The following UCK2 variants were observed in gnomAD, a reference collection of about 807,000 sequenced individuals.
UCK2 encodes cytidine monophosphokinase 2.
UCK2 carries 6 observed loss-of-function variants against 30.8 expected under a neutral mutation model. That is an observed-to-expected ratio of 0.19 (90% CI 0.11 to 0.38). The LOEUF is 0.38. UCK2 is among the 10% of genes least tolerant of loss of function. The pLI is 1.00. For synonymous variants in UCK2, 125 were observed against 133.6 expected (o/e 0.94, Z 0.45); for missense variants, 210 against 339.8 (o/e 0.62, Z 3.00).
intron 1 of UCK2, among the ~76,000 whole-genome samples, chr1:165,872,198 C>T (rs539612634): frequency 1.1e-4 from 16 of 152,248 alleles, no homozygotes; most frequent in South Asian, 6.2e-4. Context: ...CCTCAGCCTC[C>T]GAAGTAGCTG....
chr1:165,902,577 A>C (rs1286155516), intron 4 of UCK2: 1 of 106,892 alleles, frequency 9.4e-6, no homozygotes. Context: ...TGGTTTTCTT[A>C]TCTTTCACTG....
At chr1:165,896,381 C>A in intron 4 of UCK2, 49 bp downstream of exon 4, 1 of 1,606,316 alleles carries the variant, frequency 6.2e-7, no homozygotes, top group South Asian at 1.1e-5. Flanking sequence ...ACCTTGAGGG[C>A]GGGGGAGCTG....
At chr1:165,892,671 G>A (rs1655801533) in intron 3 of UCK2, 1 of 152,216 alleles carries the variant, frequency 6.6e-6, no homozygotes, top group Non-Finnish European at 1.5e-5. Flanking sequence ...AGACATTCCA[G>A]CCCACCACTT....
chr1:165,906,149 G>A (rs1274422881), intron 6 of UCK2, among the ~76,000 whole-genome samples, 180 bp downstream of exon 6: 1 of 152,204 alleles, frequency 6.6e-6, no homozygotes, highest in African/African-American at 2.4e-5. Context: ...GTCCCTGGGT[G>A]TAGGCACCCA....
chr1:165,842,127 CTT>C (rs976720038), intron 1 of UCK2, among the ~76,000 whole-genome samples: 6 of 152,144 alleles, frequency 3.9e-5, no homozygotes, highest in African/African-American at 1.4e-4. Context: ...CTCTGGGAAA[CTT>C]TTCTTGGTTT....
chr1:165,898,504 G>A (rs372004235), intron 4 of UCK2, among the ~76,000 whole-genome samples: 3 of 152,116 alleles, frequency 2.0e-5, no homozygotes, highest in Admixed American at 1.3e-4. Context: ...GATCTGCTCC[G>A]GTCATGTCCT....
intron 1 of UCK2, among the ~76,000 whole-genome samples, chr1:165,881,933 A>G (rs1655510088): frequency 6.6e-6 from 1 of 152,256 alleles, no homozygotes; most frequent in Admixed American, 6.5e-5. Context: ...TCTCAGACGC[A>G]GTCTAACATC....
At position 165,908,515 on chromosome 1, in the gene UCK2, T is replaced by G. The variant is rs946325259; in HGVS notation, c.*692T>G. ...GAAGAGGCCCACTGAGGAGAACAAG[T>G]CTTCTGCATTTTCTTCCTGCCCTGC... On this transcript the variant is annotated 3_prime_UTR_variant, in exon 7 of 7. Transcript: ENST00000367879. 2.7e-5 allele frequency: 4 copies of G among 149,614 alleles called. No individual in the cohort carries two copies. Among genetic ancestry groups the G allele is most frequent in the Non-Finnish European group, 5.9e-5 (4 of 67,698 alleles). 9.3% of individuals were successfully genotyped at this position (149,614 alleles called of 1,614,324 possible). A position where few individuals can be genotyped will look rare whatever the true frequency, so the allele number is the denominator to read the frequency against.
chr1:165,869,141 G>A (rs1213416847), intron 1 of UCK2, among the ~76,000 whole-genome samples: 1 of 152,130 alleles, frequency 6.6e-6, no homozygotes, highest in African/African-American at 2.4e-5. Flanking sequence ...ATATGGGCGT[G>A]GTTGGTGGCA....
At chr1:165,894,434 A>G (rs1030652646) in intron 3 of UCK2, 3 of 151,862 alleles carry the variant, frequency 2.0e-5, no homozygotes, top group Non-Finnish European at 2.9e-5. Flanking sequence ...TGGGCACACC[A>G]TTTTCTGGCA....
At chr1:165,898,866 C>G (rs1647360744) in intron 4 of UCK2, among the ~76,000 whole-genome samples, 1 of 152,228 alleles carries the variant, frequency 6.6e-6, no homozygotes, top group South Asian at 2.1e-4. Context: ...GGGCAGGGCT[C>G]TGCTTTCTCA....
At chr1:165,905,898 A>G (rs756707282) in intron 5 of UCK2, 23 bp from the exon 6 acceptor site, 20 of 1,612,368 alleles carry the variant, frequency 1.2e-5, no homozygotes, top group Non-Finnish European at 1.5e-5. Context: ...GTATTAATGC[A>G]TATTAACTGT....
chr1:165,896,140 C>G (rs1324245197), intron 3 of UCK2, 50 bp from the exon 4 acceptor site: 1 of 1,610,062 alleles, frequency 6.2e-7, no homozygotes, highest in Admixed American at 1.7e-5. Flanking sequence ...TTCTCTGTCC[C>G]TTGCTAGCCC....
chr1:165,860,339 A>C (rs1345692291), intron 1 of UCK2, among the ~76,000 whole-genome samples: 1 of 151,908 alleles, frequency 6.6e-6, no homozygotes, highest in African/African-American at 2.4e-5. Flanking sequence ...TGCTTTTCCA[A>C]TTGCTTTTCT....
chr1:165,854,220 G>A (rs150726619), intron 1 of UCK2, among the ~76,000 whole-genome samples: 273 of 152,306 alleles, frequency 1.8e-3, no homozygotes, highest in African/African-American at 6.4e-3. Flanking sequence ...GGCTGAGAAC[G>A]TCTGTGTGAT....
intron 1 of UCK2, among the ~76,000 whole-genome samples, chr1:165,864,009 G>C (rs1654984848): frequency 6.6e-6 from 1 of 151,810 alleles, no homozygotes; most frequent in African/African-American, 2.4e-5. Context: ...GTTTTGCTCT[G>C]CCATCTTGGC....
chr1:165,891,496 T>C, intron 3 of UCK2, 174 bp downstream of exon 3: 2 of 608,022 alleles, frequency 3.3e-6, no homozygotes, highest in Non-Finnish European at 5.9e-6. Flanking sequence ...TGCTGTGGGA[T>C]TGTAGAGGTT....
At chr1:165,862,745 C>T (rs1239254449) in intron 1 of UCK2, among the ~76,000 whole-genome samples, 1 of 152,204 alleles carries the variant, frequency 6.6e-6, no homozygotes, top group Non-Finnish European at 1.5e-5. Flanking sequence ...TTACAAGACA[C>T]TTAAACCCTT....
At chr1:165,873,877 G>A (rs945576275) in intron 1 of UCK2, among the ~76,000 whole-genome samples, 9 of 152,040 alleles carry the variant, frequency 5.9e-5, no homozygotes, top group Admixed American at 3.3e-4. Flanking sequence ...CATCACCAGA[G>A]CCACTCACTA....
Sources: allele counts gnomAD v4.1 joint callset (sites outside exome capture counted in the v4.1 genomes callset), GRCh38; gene constraint gnomAD v4.1.1; transcripts MANE v1.5; gene names NCBI Gene and HGNC (gene_info 2026-07-23, HGNC 2026-07-21).